TBCD: variants seen among roughly 807,000 people sequenced by gnomAD.
TBCD encodes the protein tubulin folding cofactor D, also known as tubulin-specific chaperone D.
Under a neutral mutation model 169.3 loss-of-function variants are expected in TBCD, and 105 were observed. The observed-to-expected ratio is 0.62, with a 90% CI of 0.53 to 0.73. The LOEUF (loss-of-function observed/expected upper bound fraction) is 0.73. Ranked by LOEUF, TBCD falls within the 30% of genes least tolerant of loss-of-function variation. The pLI, the probability that TBCD is intolerant of heterozygous loss-of-function variation, is 0.00. For synonymous variants in TBCD, 700 were observed against 643.9 expected, an observed-to-expected ratio of 1.09 and a Z score of -1.32; for missense variants, 1,444 against 1,600.1, an observed-to-expected ratio of 0.90 and a Z score of 1.66.
rs1014481682 is a variant in TBCD at position 82,930,924 on chromosome 17, G to C, written c.3113+281G>C. Among the ~76,000 whole-genome samples, 1 of 152,248 alleles carries C rather than the reference G, an allele frequency of 6.6e-6. No individual in the cohort carries two copies. Among genetic ancestry groups the C allele is most frequent in the Non-Finnish European group, 1.5e-5 (1 of 68,040 alleles). On this transcript the variant is annotated intron_variant, in intron 33 of 38. Coordinates refer to ENST00000355528, the MANE Select transcript of TBCD (RefSeq NM_005993.5). This position sits in a 1 kb window ranked among gnomAD's most constrained non-coding sequence, Gnocchi z 5.2. ...GGACGTAAAGGTAGTATGAGTACAA[G>C]GTGGTCCCTGTGTGTAGGAAGGCGT...
chr17:82,928,031 C>A (rs1162600551), intron 30 of TBCD, 43 bp downstream of exon 30: 1 of 1,582,870 alleles, frequency 6.3e-7, no homozygotes, highest in South Asian at 1.1e-5. Context: ...AGAGGGCAGC[C>A]CCGAGCTTGG....
At chr17:82,859,753 C>T in intron 13 of TBCD, 2 of 985,444 alleles carry the variant, frequency 2.0e-6, no homozygotes, top group Non-Finnish European at 1.2e-6. Context: ...GGCTGCTGCC[C>T]AGACTCACCC....
At chr17:82,792,829 C>T (rs1008653761) in intron 7 of TBCD, among the ~76,000 whole-genome samples, 62 of 152,234 alleles carry the variant, frequency 4.1e-4, no homozygotes, top group Non-Finnish European at 7.8e-4. Context: ...GTGGCATGAT[C>T]TCAGCTCACT....
intron 9 of TBCD, among the ~76,000 whole-genome samples, chr17:82,804,087 G>A (rs970429068): frequency 6.8e-6 from 1 of 146,412 alleles, no homozygotes; most frequent in Admixed American, 6.8e-5. Flanking sequence ...GGGGAGAGTG[G>A]GGGCTGGGGT....
intron 13 of TBCD, among the ~76,000 whole-genome samples, chr17:82,862,203 T>A (rs1479692809): frequency 3.3e-5 from 5 of 152,248 alleles, no homozygotes; most frequent in Admixed American, 2.0e-4. Flanking sequence ...ATTACAGGCG[T>A]GAGCCACTGC....
chr17:82,779,557 C>T (rs1025925062), intron 6 of TBCD, among the ~76,000 whole-genome samples: 5 of 152,184 alleles, frequency 3.3e-5, no homozygotes, highest in East Asian at 3.9e-4. Flanking sequence ...AGGTGCCAGC[C>T]GTCCTGTCAG....
chr17:82,826,720 G>A (rs1380754785), intron 13 of TBCD, among the ~76,000 whole-genome samples: 2 of 151,820 alleles, frequency 1.3e-5, no homozygotes, highest in Non-Finnish European at 2.9e-5. Context: ...CTGGCCGTGA[G>A]CCATGCTTTT....
Position 82,920,899 on chromosome 17 carries a change from C to G in TBCD, c.2101+281C>G, listed in dbSNP as rs2061383670. 2.3e-6 allele frequency: 1 copy of G among 443,342 alleles called. No homozygotes were observed. 27.5% of individuals were successfully genotyped at this position (443,342 alleles called of 1,614,324 possible). On this transcript the variant is annotated intron_variant, in intron 24 of 38. Transcript: ENST00000355528. This position sits in a 1 kb window ranked among gnomAD's most constrained non-coding sequence, Gnocchi z 4.1. The stretch of plus-strand genomic sequence containing the variant: ...GGCCCGGCACTCTGGGTCAGTTCTT[C>G]TCCCAGGCAGACAGTCGGGAGCTGC...
At chr17:82,909,018 G>A (rs926209586) in intron 21 of TBCD, among the ~76,000 whole-genome samples, 8 of 152,234 alleles carry the variant, frequency 5.3e-5, no homozygotes, top group African/African-American at 1.9e-4. Flanking sequence ...CCAGAATGCA[G>A]GTGGCTCCAG....
chr17:82,926,506 T>C lies in TBCD; in HGVS notation c.2471+15T>C, dbSNP rs759053241. On this transcript the variant is annotated intron_variant, in intron 28 of 38. Transcript: ENST00000355528. Reference sequence around the variant, plus strand: ...GCCATTGCGAGGTGAGTCCCAACAGTTCCTCCCTAAAGTCGTAAGTCTCTG... The same window carrying C: ...GCCATTGCGAGGTGAGTCCCAACAGCTCCTCCCTAAAGTCGTAAGTCTCTG... 5.6e-6 allele frequency: 9 copies of C among 1,611,412 alleles called. No individual in the cohort carries two copies. In the Middle Eastern group the frequency reaches 1.5e-3, roughly 266 times the overall value.
intron 14 of TBCD, chr17:82,876,905 G>C: frequency 1.0e-6 from 1 of 965,796 alleles, no homozygotes; most frequent in Non-Finnish European, 1.2e-6. Context: ...TGCGTCTCCT[G>C]CTGTCAGCCG....
intron 17 of TBCD, among the ~76,000 whole-genome samples, chr17:82,894,764 TCAC>T (rs2059369153): frequency 6.6e-6 from 1 of 152,228 alleles, no homozygotes; most frequent in Non-Finnish European, 1.5e-5. Context: ...GACGGGCAGA[TCAC>T]CTGAGGTCAG....
rs2063415397 is a variant in TBCD, at chr17:82,942,574, G to A, written c.*111G>A. 3 of 1,489,516 alleles carry A rather than the reference G, an allele frequency of 2.0e-6. No individual in the cohort carries two copies. Among genetic ancestry groups the A allele is most frequent in the Non-Finnish European group, 2.8e-6 (3 of 1,076,562 alleles). 92.3% of individuals were successfully genotyped at this position (1,489,516 alleles called of 1,614,324 possible). On this transcript the variant is annotated 3_prime_UTR_variant, in exon 39 of 39. Transcript: ENST00000355528. ...TGGTGCCTCCAGCTGTTGAAGGGTA[G>A]CGCTGGCCCTTGGAGGCTGGCACTA...
rs1274572218 is a variant in TBCD, at chr17:82,920,381, CATG to C, written c.2039-174_2039-172del. The C allele has an allele frequency of 6.2e-6, 4 of 644,466 alleles. No homozygotes were observed. Among genetic ancestry groups the C allele is most frequent in the Middle Eastern group, 4.1e-4 (1 of 2,424 alleles). 39.9% of individuals were successfully genotyped at this position (644,466 alleles called of 1,614,324 possible). On this transcript the variant is annotated intron_variant, in intron 23 of 38. Coordinates refer to ENST00000355528, the MANE Select transcript of TBCD (RefSeq NM_005993.5). The surrounding 1 kb of genome is among the most constrained non-coding windows in gnomAD (Gnocchi z 4.1). ...AGCGGAGGAGGCGTCTTGGGCTTCTCATGGTGGTTCTGAAATGGTTCTGGGATG... is the reference window on the plus strand; with the variant it reads ...AGCGGAGGAGGCGTCTTGGGCTTCTCGTGGTTCTGAAATGGTTCTGGGATG...
At position 82,789,842 on chromosome 17, in the gene TBCD, T is replaced by A. The variant is rs2049574492; in HGVS notation, c.772-7915T>A. 6.6e-6 allele frequency among the ~76,000 whole-genome samples: 1 copy of A among 152,222 alleles called. No individual in the cohort carries two copies. Among genetic ancestry groups the A allele is most frequent in the Admixed American group, 6.5e-5 (1 of 15,276 alleles). ...GAACCCGCAAGTCCCAGGTCACACC[T>A]GTTGTACCATCACTTTCCCCTCCTG... On this transcript the variant is annotated intron_variant, in intron 7 of 38. Transcript: ENST00000355528. The surrounding 1 kb of genome is among the most constrained non-coding windows in gnomAD (Gnocchi z 4.8).
intron 12 of TBCD, among the ~76,000 whole-genome samples, chr17:82,811,663 G>A (rs1468019985): frequency 2.6e-5 from 4 of 152,100 alleles, no homozygotes; most frequent in Non-Finnish European, 5.9e-5. Context: ...TCTGGACAGC[G>A]CCTGCTTTCC....
At chr17:82,887,896 T>C (rs554388420) in intron 15 of TBCD, among the ~76,000 whole-genome samples, 51 of 152,320 alleles carry the variant, frequency 3.3e-4, no homozygotes, top group African/African-American at 1.2e-3. Flanking sequence ...TCCTCTTTGG[T>C]GAAATGTCTG....
chr17:82,805,779 A>C, intron 9 of TBCD, 96 bp from the exon 10 acceptor site: 1 of 1,427,724 alleles, frequency 7.0e-7, no homozygotes, highest in Non-Finnish European at 9.5e-7. Context: ...TTTCACAGGC[A>C]CGCTTTAAGA....
intron 17 of TBCD, among the ~76,000 whole-genome samples, chr17:82,898,077 C>T (rs2059613038): frequency 7.1e-6 from 1 of 141,298 alleles, no homozygotes; most frequent in Non-Finnish European, 1.5e-5. Context: ...TGGCATGGCT[C>T]TGGGTTTTGG....
Sources: allele counts gnomAD v4.1 joint callset (sites outside exome capture counted in the v4.1 genomes callset), GRCh38; gene constraint gnomAD v4.1.1; non-coding constraint Gnocchi (gnomAD v3.1); transcripts MANE v1.5; gene names NCBI Gene and HGNC (gene_info 2026-07-23, HGNC 2026-07-21).